Variants in KAT2B observed in about 807,000 individuals in gnomAD.
KAT2B encodes the protein lysine acetyltransferase 2B, also known as histone acetyltransferase KAT2B.
In KAT2B, 36 loss-of-function variants were observed where a neutral mutation model predicts 105.9. The ratio of observed to expected loss-of-function variants is 0.34; its 90% confidence interval spans 0.26 to 0.45. KAT2B has a LOEUF of 0.45. Among genes scored for constraint, KAT2B ranks in the 20% least tolerant of loss-of-function variants. KAT2B has a pLI of 1.00. For missense variants in KAT2B, 820 were observed against 1,021.6 expected (o/e 0.80, Z 2.69); for synonymous variants, 397 against 377.9 (o/e 1.05, Z -0.59).
At chr3:20,141,345 A>G (rs1324259702) in intron 13 of KAT2B, among the ~76,000 whole-genome samples, 1 of 140,708 alleles carries the variant, frequency 7.1e-6, no homozygotes, top group Non-Finnish European at 1.5e-5. Context: ...TTGAATACAT[A>G]ATAATTTCAA....
At chr3:20,143,991 A>G (rs1447158636) in intron 13 of KAT2B, among the ~76,000 whole-genome samples, 1 of 152,116 alleles carries the variant, frequency 6.6e-6, no homozygotes, top group Non-Finnish European at 1.5e-5. Flanking sequence ...ATCACACAGT[A>G]TACCCATAAT....
intron 17 of KAT2B, among the ~76,000 whole-genome samples, chr3:20,150,855 G>C (rs757949175): frequency 2.0e-5 from 3 of 150,796 alleles, no homozygotes; most frequent in African/African-American, 4.9e-5. Context: ...TTTGTGTCGT[G>C]TCATCCTTTT....
chr3:20,143,722 G>A (rs1488631752), intron 13 of KAT2B, among the ~76,000 whole-genome samples: 1 of 152,162 alleles, frequency 6.6e-6, no homozygotes, highest in Non-Finnish European at 1.5e-5. Flanking sequence ...ACAAAATCAT[G>A]TCCTTTGCAA....
intron 6 of KAT2B, 141 bp from the exon 7 acceptor site, chr3:20,114,741 A>T (rs1441631499): frequency 1.7e-6 from 1 of 590,598 alleles, no homozygotes; most frequent in Non-Finnish European, 3.0e-6. Flanking sequence ...CAACTAAATC[A>T]TAATTTGAGT....
At chr3:20,111,017 G>A (rs1699112190) in intron 5 of KAT2B, among the ~76,000 whole-genome samples, 1 of 152,132 alleles carries the variant, frequency 6.6e-6, no homozygotes, top group African/African-American at 2.4e-5. Flanking sequence ...CCAAACCTCC[G>A]ATAAGTGCTG....
At chr3:20,041,132 CGGGTGACCCAG>C (rs1362438895) in intron 1 of KAT2B, among the ~76,000 whole-genome samples, 1 of 151,986 alleles carries the variant, frequency 6.6e-6, no homozygotes, top group Non-Finnish European at 1.5e-5. Context: ...CTCCATGTGG[CGGGTGACCCAG>C]GGGCAAGGAA....
At chr3:20,118,019 T>C (rs1355729469) in intron 7 of KAT2B, among the ~76,000 whole-genome samples, 1 of 151,970 alleles carries the variant, frequency 6.6e-6, no homozygotes, top group Non-Finnish European at 1.5e-5. Flanking sequence ...TTTACCTGGT[T>C]ATAAACCAAT....
intron 9 of KAT2B, among the ~76,000 whole-genome samples, chr3:20,124,329 C>T (rs1190064582): frequency 3.9e-5 from 6 of 152,154 alleles, no homozygotes; most frequent in African/African-American, 1.2e-4. Context: ...AGAATGGCAT[C>T]AGCATCTGCT....
intron 8 of KAT2B, among the ~76,000 whole-genome samples, chr3:20,120,708 C>T (rs1427652746): frequency 1.3e-5 from 2 of 152,032 alleles, no homozygotes; most frequent in African/African-American, 2.4e-5. Flanking sequence ...ACCACATGGG[C>T]AAAAATATCT....
intron 11 of KAT2B, among the ~76,000 whole-genome samples, chr3:20,134,640 C>T: frequency 6.6e-6 from 1 of 152,160 alleles, no homozygotes; most frequent in East Asian, 1.9e-4. Context: ...ATCTCCTGAC[C>T]TCATGATCCG....
chr3:20,143,663 A>G (rs9310612), intron 13 of KAT2B, among the ~76,000 whole-genome samples: 2,878 of 152,340 alleles, frequency 0.019, 103 homozygotes, highest in African/African-American at 0.065. Context: ...TTGGATAAAG[A>G]AAATGTAGTA....
At chr3:20,054,038 T>G (rs370458547) in intron 1 of KAT2B, among the ~76,000 whole-genome samples, 1 of 152,256 alleles carries the variant, frequency 6.6e-6, no homozygotes, top group Non-Finnish European at 1.5e-5. Context: ...CCTCAAGTGA[T>G]CCATCCTCCT....
Position 20,136,785 on chromosome 3 carries a change from G to T in KAT2B, c.1750-157G>T, listed in dbSNP as rs541634364. On this transcript the variant is annotated intron_variant, in intron 11 of 17. Coordinates refer to ENST00000263754, the MANE Select transcript of KAT2B (RefSeq NM_003884.5). Reference sequence around the variant, plus strand: ...TAGCTTATTTTCAAAGTTAAGAAACGCAAGAAAGGGTGTTAATATATTTCA... The same window carrying T: ...TAGCTTATTTTCAAAGTTAAGAAACTCAAGAAAGGGTGTTAATATATTTCA... Among the ~76,000 whole-genome samples the T allele has an allele frequency of 3.9e-5, 6 of 152,196 alleles. No homozygotes were observed. The South Asian group carries it at 1.2e-3, about 32-fold the overall frequency.
In KAT2B at chr3:20,126,010, C is replaced by G; in HGVS notation, c.1519C>G (p.Pro507Ala). The stretch of plus-strand genomic sequence containing the variant: ...GGTTGGCAATTCCCTCAACCAGAAA[C>G]CAAACAAGAAGATCCTGATGTGGCT... ...HVVGNSLNQK[P>A]NKKILMWLVG... Residue 507 changes from proline to alanine, a missense_variant, in exon 10 of 18, where the codon CCA becomes GCA. Pro to Ala is a conservative substitution (Grantham distance 27). Around this residue, in one of 6 missense-constraint regions of KAT2B, gnomAD observed 225 missense variants for 268.1 expected, o/e 0.84. Coordinates refer to ENST00000263754, the MANE Select transcript of KAT2B (RefSeq NM_003884.5). 6.2e-7 allele frequency: 1 copy of G among 1,614,112 alleles called. No individual in the cohort carries two copies. The highest frequency in any genetic ancestry group is 8.5e-7 in the Non-Finnish European group (1 of 1,180,004).
intron 1 of KAT2B, among the ~76,000 whole-genome samples, chr3:20,066,250 C>A (rs1284535795): frequency 1.3e-5 from 2 of 152,098 alleles, no homozygotes; most frequent in Non-Finnish European, 2.9e-5. Context: ...GTGTCTGTCT[C>A]CAAATCTCCT....
chr3:20,142,843 C>T (rs1048601007), intron 13 of KAT2B, among the ~76,000 whole-genome samples: 5 of 151,972 alleles, frequency 3.3e-5, no homozygotes, highest in South Asian at 2.1e-4. Context: ...TTTGAGAAAG[C>T]GCGAATAGGC....
chr3:20,150,599 C>A (rs1328222259), intron 17 of KAT2B, among the ~76,000 whole-genome samples: 1 of 152,098 alleles, frequency 6.6e-6, no homozygotes, highest in African/African-American at 2.4e-5. Context: ...TTGGTACCAC[C>A]AATATTTAGT....
At chr3:20,059,850 C>G (rs1698069680) in intron 1 of KAT2B, among the ~76,000 whole-genome samples, 1 of 152,194 alleles carries the variant, frequency 6.6e-6, no homozygotes, top group Non-Finnish European at 1.5e-5. Flanking sequence ...TAGAAGATTT[C>G]CATCACCTCC....
chr3:20,079,130 ATCTCAGGTGATCCACC>A (rs1698473651), intron 2 of KAT2B, among the ~76,000 whole-genome samples: 2 of 149,568 alleles, frequency 1.3e-5, no homozygotes, highest in Admixed American at 6.7e-5. Context: ...CAAACTCCTG[ATCTCAGGTGATCCACC>A]CGCCTCGGCC....
Sources: allele counts gnomAD v4.1 joint callset (sites outside exome capture counted in the v4.1 genomes callset), GRCh38; gene constraint gnomAD v4.1.1; regional missense constraint gnomAD v4.1.1; transcripts MANE v1.5; gene names NCBI Gene and HGNC (gene_info 2026-07-23, HGNC 2026-07-21).